NTM: variants seen among roughly 807,000 people sequenced by gnomAD.
NTM encodes the protein IgLON family member 2.
Under a neutral mutation model 42.1 loss-of-function variants are expected in NTM, and 13 were observed. The ratio of observed to expected loss-of-function variants is 0.31; its 90% CI spans 0.20 to 0.49. The LOEUF (loss-of-function observed/expected upper bound fraction) is 0.49, where lower values mean the gene tolerates loss of function less well. Among genes scored for constraint, NTM ranks in the 20% least tolerant of loss-of-function variants. NTM has a pLI of 0.99. For missense variants in NTM, 373 were observed against 452.8 expected (o/e 0.82, Z 1.60); for synonymous variants, 187 against 179.2 (o/e 1.04, Z -0.35).
At chr11:132,010,357 A>G (rs1413308572) in intron 2 of NTM, among the ~76,000 whole-genome samples, 11 of 152,300 alleles carry the variant, frequency 7.2e-5, no homozygotes, top group African/African-American at 2.4e-4. Flanking sequence ...CTCTGAGGCT[A>G]GACTGGTGAA....
intron 2 of NTM, among the ~76,000 whole-genome samples, chr11:131,958,471 G>A (rs1172672271): frequency 6.6e-6 from 1 of 152,170 alleles, no homozygotes; most frequent in East Asian, 1.9e-4. Flanking sequence ...TCTTTGATGA[G>A]AAAATCGTGT....
At chr11:131,701,110 T>C (rs1483878127) in intron 1 of NTM, among the ~76,000 whole-genome samples, 2 of 152,198 alleles carry the variant, frequency 1.3e-5, no homozygotes, top group African/African-American at 4.8e-5. Flanking sequence ...TGGTGGACAG[T>C]ATAATATACT....
Position 131,960,127 on chromosome 11 carries a change from C to T in NTM, c.167+48479C>T, listed in dbSNP as rs139023799. ...GAGGTTCTCTGTGAGCACCTCTGAG[C>T]GTAAAAGTCACAGGGTGTTCAGAAG... On this transcript the variant is annotated intron_variant, in intron 2 of 8. Coordinates refer to ENST00000683400, the MANE Select transcript of NTM (RefSeq NM_001352005.2). 7.4e-3 allele frequency among the ~76,000 whole-genome samples: 1,128 copies of T among 152,192 alleles called. 18 individuals are homozygous for T. Among genetic ancestry groups the T allele is most frequent in the African/African-American group, 0.023 (963 of 41,540 alleles).
chr11:131,479,989 C>T (rs1200806216), intron 1 of NTM, among the ~76,000 whole-genome samples: 1 of 151,948 alleles, frequency 6.6e-6, no homozygotes, highest in African/African-American at 2.4e-5. Flanking sequence ...TTTCCTTTGG[C>T]CTGTGGCTCT....
chr11:131,711,982 TG>T (rs1171541271), intron 1 of NTM, among the ~76,000 whole-genome samples: 1 of 61,028 alleles, frequency 1.6e-5, no homozygotes, highest in East Asian at 5.4e-4. Flanking sequence ...GGGACTGTGG[TG>T]GGGTGGGGGG....
At chr11:131,709,368 G>A (rs1380207252) in intron 1 of NTM, among the ~76,000 whole-genome samples, 3 of 152,184 alleles carry the variant, frequency 2.0e-5, no homozygotes, top group Non-Finnish European at 4.4e-5. Flanking sequence ...GGGCAAGAGT[G>A]GAAGCAGGCA....
intron 2 of NTM, among the ~76,000 whole-genome samples, chr11:132,122,199 G>C (rs1013473144): frequency 6.6e-6 from 1 of 152,196 alleles, no homozygotes; most frequent in Admixed American, 6.5e-5. Flanking sequence ...AAGATGTAGG[G>C]CTGGGGCGCT....
At chr11:132,035,925 C>T (rs569101513) in intron 2 of NTM, among the ~76,000 whole-genome samples, 8 of 152,120 alleles carry the variant, frequency 5.3e-5, no homozygotes, top group Admixed American at 1.3e-4. Context: ...CTTATCTCTC[C>T]GTGAGTGTGG....
chr11:132,173,963 CA>C (rs2076438520), intron 3 of NTM, among the ~76,000 whole-genome samples: 1 of 152,164 alleles, frequency 6.6e-6, no homozygotes, highest in Admixed American at 6.5e-5. Context: ...ACACTTTAGC[CA>C]AAGAGTGTGT....
intron 2 of NTM, among the ~76,000 whole-genome samples, chr11:132,025,754 A>G (rs2135579000): frequency 6.6e-6 from 1 of 152,308 alleles, no homozygotes; most frequent in African/African-American, 2.4e-5. Context: ...TAGAATGATT[A>G]TTGAGGAATA....
chr11:132,315,120 T>TG lies in NTM; in HGVS notation c.934+420dup, dbSNP rs946229762. On this transcript the variant is annotated intron_variant, in intron 7 of 8. Transcript: ENST00000683400. The stretch of plus-strand genomic sequence containing the variant: ...GTGATGATGGCTCCTAAGCTGACTG[T>TG]GGGAATCATAATTGGGTAAAATAGT... 5.1e-6 allele frequency: 5 copies of TG among 981,806 alleles called. No homozygotes were observed. The African/African-American group carries it at 8.7e-5, about 17-fold the overall frequency. The allele number at this position is 981,806 out of a possible 1,614,324, so 60.8% of individuals were successfully genotyped here.
chr11:131,758,210 C>A (rs983238466), intron 1 of NTM, among the ~76,000 whole-genome samples: 1 of 152,000 alleles, frequency 6.6e-6, no homozygotes, highest in Non-Finnish European at 1.5e-5. Context: ...CAAATCATAC[C>A]ATTCTTTTCA....
rs187325776 is a variant in NTM, at chr11:131,540,479, T to A, written c.82+169591T>A. On this transcript the variant is annotated intron_variant, in intron 1 of 8. Transcript: ENST00000683400. Reference sequence around the variant, plus strand: ...CATGGCCAGCCAGCTATTTAAGCATTTTTTAAAGATACTGACGACCTCCAA... The same window carrying A: ...CATGGCCAGCCAGCTATTTAAGCATATTTTAAAGATACTGACGACCTCCAA... The A allele has an allele frequency of 2.6e-5, 4 of 152,320 alleles. No homozygotes were observed. In the East Asian group the frequency reaches 7.7e-4, roughly 29 times the overall value. 9.4% of individuals were successfully genotyped at this position (152,320 alleles called of 1,614,324 possible).
chr11:131,434,198 T>C (rs1948926555), intron 1 of NTM, among the ~76,000 whole-genome samples: 1 of 152,198 alleles, frequency 6.6e-6, no homozygotes, highest in Admixed American at 6.5e-5. Flanking sequence ...CGATGGACAT[T>C]TGTGTTGGTT....
intron 1 of NTM, among the ~76,000 whole-genome samples, chr11:131,559,603 T>C (rs1048026494): frequency 6.6e-6 from 1 of 152,220 alleles, no homozygotes; most frequent in Non-Finnish European, 1.5e-5. Flanking sequence ...GAGTTCTATA[T>C]GAGTCAAAAT....
chr11:131,407,441 C>T (rs1372012066), intron 1 of NTM, among the ~76,000 whole-genome samples: 2 of 152,182 alleles, frequency 1.3e-5, no homozygotes, highest in South Asian at 2.1e-4. Context: ...AGCATCCAGT[C>T]TGCAGACTCA....
chr11:132,077,810 A>T lies in NTM; in HGVS notation c.168-68472A>T, dbSNP rs893872970. Among the ~76,000 whole-genome samples the T allele has an allele frequency of 2.0e-5, 3 of 152,334 alleles. No homozygotes were observed. In the South Asian group the frequency reaches 6.2e-4, roughly 32 times the overall value. ...GAGAAAGGATCTCCCTTTGTTGCCC[A>T]TGCTGGTCTCAAACTCCTTGCCTCA... On this transcript the variant is annotated intron_variant, in intron 2 of 8. Transcript: ENST00000683400.
intron 3 of NTM, among the ~76,000 whole-genome samples, chr11:132,178,650 T>C (rs2077149369): frequency 6.6e-6 from 1 of 152,206 alleles, no homozygotes; most frequent in African/African-American, 2.4e-5. Context: ...CCTTGTGTAT[T>C]TTTTGGGATC....
intron 4 of NTM, among the ~76,000 whole-genome samples, chr11:132,293,099 T>TA (rs751343346): frequency 2.0e-5 from 3 of 152,014 alleles, no homozygotes; most frequent in Admixed American, 2.0e-4. Flanking sequence ...AGAATAGTGG[T>TA]AGGAGTGAGG....
Sources: allele counts gnomAD v4.1 joint callset (sites outside exome capture counted in the v4.1 genomes callset), GRCh38; gene constraint gnomAD v4.1.1; transcripts MANE v1.5; gene names NCBI Gene and HGNC (gene_info 2026-07-23, HGNC 2026-07-21).